GRM7: variants seen among roughly 807,000 people sequenced by gnomAD.
The protein encoded by GRM7 is metabotropic glutamate receptor 7.
A neutral mutation model predicts 84.5 loss-of-function variants in GRM7; 35 were observed. The observed-to-expected ratio is 0.41, with a 90% CI of 0.32 to 0.55. GRM7 has a LOEUF of 0.55. GRM7 is among the 20% of genes least tolerant of loss of function. The pLI, the probability that GRM7 is intolerant of heterozygous loss-of-function variation, is 0.19. For missense variants in GRM7, 1,003 were observed against 1,194.6 expected (o/e 0.84, Z 2.36); for synonymous variants, 487 against 455.1 (o/e 1.07, Z -0.89).
intron 8 of GRM7, among the ~76,000 whole-genome samples, chr3:7,627,828 GC>G (rs2125093709): frequency 6.6e-6 from 1 of 152,220 alleles, no homozygotes; most frequent in South Asian, 2.1e-4. Context: ...ATGTGTATCT[GC>G]GTCCAAATTT....
intron 1 of GRM7, among the ~76,000 whole-genome samples, chr3:7,040,414 T>C (rs757667541): frequency 3.9e-5 from 6 of 152,096 alleles, no homozygotes; most frequent in Admixed American, 6.5e-5. Context: ...GCGATTCTCC[T>C]GCCTTAGCCT....
At chr3:7,270,478 C>T (rs909944098) in intron 2 of GRM7, among the ~76,000 whole-genome samples, 1 of 151,842 alleles carries the variant, frequency 6.6e-6, no homozygotes. Flanking sequence ...TTTTTTTTAG[C>T]CTTTCTCCCT....
chr3:7,082,642 A>G (rs1293825846), intron 1 of GRM7, among the ~76,000 whole-genome samples: 1 of 152,132 alleles, frequency 6.6e-6, no homozygotes, highest in Non-Finnish European at 1.5e-5. Flanking sequence ...CAATGGATCT[A>G]GGCAAGGTAA....
At chr3:7,720,827 C>T (rs1191082427) in intron 9 of GRM7, among the ~76,000 whole-genome samples, 1 of 152,200 alleles carries the variant, frequency 6.6e-6, no homozygotes, top group Non-Finnish European at 1.5e-5. Flanking sequence ...ACCTCTGGCT[C>T]CTGATGTCAG....
intron 7 of GRM7, among the ~76,000 whole-genome samples, chr3:7,481,927 C>T (rs1032431610): frequency 1.3e-5 from 2 of 152,194 alleles, no homozygotes; most frequent in African/African-American, 4.8e-5. Flanking sequence ...GTGACTCACG[C>T]CTGTAATCCC....
chr3:7,453,175 A>G (rs1322044055), intron 6 of GRM7, among the ~76,000 whole-genome samples: 1 of 152,028 alleles, frequency 6.6e-6, no homozygotes, highest in African/African-American at 2.4e-5. Flanking sequence ...CTCTCATACC[A>G]CAACAGGAAT....
chr3:7,196,362 T>C (rs534702141), intron 2 of GRM7, among the ~76,000 whole-genome samples: 1 of 152,236 alleles, frequency 6.6e-6, no homozygotes, highest in South Asian at 2.1e-4. Context: ...GAGTAATATT[T>C]GGCCACTCAT....
chr3:7,543,434 C>T (rs577762305), intron 7 of GRM7, among the ~76,000 whole-genome samples: 2 of 152,334 alleles, frequency 1.3e-5, no homozygotes, highest in African/African-American at 4.8e-5. Context: ...AGGACCAATC[C>T]TGTCTTATGC....
chr3:7,063,225 C>G (rs1221148549), intron 1 of GRM7, among the ~76,000 whole-genome samples: 1 of 151,750 alleles, frequency 6.6e-6, no homozygotes, highest in African/African-American at 2.4e-5. Flanking sequence ...ACCACATCGC[C>G]AATCCAAAGA....
chr3:6,919,736 G>C (rs1401937337), intron 1 of GRM7, among the ~76,000 whole-genome samples: 1 of 151,816 alleles, frequency 6.6e-6, no homozygotes, highest in Non-Finnish European at 1.5e-5. Context: ...GTTTTAATAT[G>C]GATAAAGATA....
At chr3:7,003,997 A>T (rs1387280863) in intron 1 of GRM7, among the ~76,000 whole-genome samples, 1 of 152,196 alleles carries the variant, frequency 6.6e-6, no homozygotes, top group Non-Finnish European at 1.5e-5. Flanking sequence ...GGGAGGCCTC[A>T]GTTCCTTGCA....
chr3:7,434,444 T>C (rs1304079882), intron 5 of GRM7, among the ~76,000 whole-genome samples: 2 of 152,206 alleles, frequency 1.3e-5, no homozygotes, highest in Admixed American at 6.5e-5. Flanking sequence ...TTATAGACTT[T>C]CTGTATAATG....
intron 2 of GRM7, among the ~76,000 whole-genome samples, chr3:7,221,804 A>ATTTTTTTTTTTTTTTTTTTTTTTTTTTGT (rs540956206): frequency 1.0e-5 from 1 of 97,356 alleles, no homozygotes; most frequent in Non-Finnish European, 2.0e-5. Context: ...AATTTCTTGT[A>ATTTTTTTTTTTTTTTTTTTTTTTTTTTGT]TTTTTTTTTT....
intron 1 of GRM7, among the ~76,000 whole-genome samples, chr3:6,952,084 G>C (rs1559348249): frequency 6.6e-6 from 1 of 151,492 alleles, no homozygotes; most frequent in Non-Finnish European, 1.5e-5. Context: ...TTTTCTATTT[G>C]TTTCAGATTT....
rs57039269 is a variant in GRM7 at position 7,539,674 on chromosome 3, C to CA, written c.1516-38726dup. On this transcript the variant is annotated intron_variant, in intron 7 of 9. Transcript: ENST00000357716. ...TGGGCGACAGAGCAAGACTCTGTCT[C>CA]AAAAAAAAAAAAAAAAAAAAAAGTC... Among the ~76,000 whole-genome samples, 361 of 86,912 alleles carry CA rather than the reference C, an allele frequency of 4.2e-3. 1 individual carries two copies. The highest frequency in any genetic ancestry group is 0.021 in the East Asian group (60 of 2,896). The allele number at this position is 86,912 out of a possible 152,430, so 57.0% of individuals were successfully genotyped here.
chr3:7,339,780 T>C lies in GRM7; in HGVS notation c.1033+33128T>C, dbSNP rs553775268. 4.6e-5 allele frequency among the ~76,000 whole-genome samples: 7 copies of C among 152,240 alleles called. No individual in the cohort carries two copies. The East Asian group carries it at 1.4e-3, about 29-fold the overall frequency. On this transcript the variant is annotated intron_variant, in intron 4 of 9. Coordinates refer to ENST00000357716, the MANE Select transcript of GRM7 (RefSeq NM_000844.4). Reference sequence around the variant, plus strand: ...CTCTGGGTGTTTGGAGGAATGAGCTTTGTGATTTTTTTTCCTAAATGGATG... The same window carrying C: ...CTCTGGGTGTTTGGAGGAATGAGCTCTGTGATTTTTTTTCCTAAATGGATG...
chr3:7,718,822 C>A (rs923727622), intron 9 of GRM7, among the ~76,000 whole-genome samples: 2 of 152,120 alleles, frequency 1.3e-5, no homozygotes, highest in African/African-American at 4.8e-5. Context: ...GACGTCACTG[C>A]CTCTAGAACA....
intron 1 of GRM7, among the ~76,000 whole-genome samples, chr3:7,072,682 G>T (rs929777465): frequency 1.3e-4 from 20 of 151,870 alleles, no homozygotes; most frequent in African/African-American, 4.4e-4. Context: ...CTGAGACCCT[G>T]TCTCAAAAAA....
Position 7,728,610 on chromosome 3 carries a change from T to C in GRM7, c.2699-11747T>C, listed in dbSNP as rs145375017. Reference sequence around the variant, plus strand: ...CCCAAGGAGCACAGGACTATCTTTATTATCTTGACTTACCCCAGGTTTCAG... The same window carrying C: ...CCCAAGGAGCACAGGACTATCTTTACTATCTTGACTTACCCCAGGTTTCAG... On this transcript the variant is annotated intron_variant, in intron 9 of 9. Transcript: ENST00000357716. Among the ~76,000 whole-genome samples, 269 of 152,312 alleles carry C rather than the reference T, an allele frequency of 1.8e-3. 1 individual carries two copies. The highest frequency in any genetic ancestry group is 6.2e-3 in the African/African-American group (257 of 41,580).
Sources: allele counts gnomAD v4.1 joint callset (sites outside exome capture counted in the v4.1 genomes callset), GRCh38; gene constraint gnomAD v4.1.1; transcripts MANE v1.5; gene names NCBI Gene and HGNC (gene_info 2026-07-23, HGNC 2026-07-21).